The following MAST3 variants were observed in gnomAD, a reference collection of about 807,000 sequenced individuals.
MAST3 encodes microtubule-associated serine/threonine-protein kinase 3.
A neutral mutation model predicts 127.0 loss-of-function variants in MAST3; 43 were observed. The observed-to-expected ratio is 0.34, with a 90% CI of 0.27 to 0.44. The LOEUF is 0.44. Ranked by LOEUF, MAST3 falls within the 20% of genes least tolerant of loss-of-function variation. The pLI, the probability that MAST3 is intolerant of heterozygous loss-of-function variation, is 1.00. For missense variants in MAST3, 1,390 were observed against 1,919.1 expected, an observed-to-expected ratio of 0.72 and a Z score of 5.15; for synonymous variants, 785 against 809.2, an observed-to-expected ratio of 0.97 and a Z score of 0.51.
chr19:18,109,993 G>A, intron 2 of MAST3: 1 of 985,336 alleles, frequency 1.0e-6, no homozygotes, highest in Non-Finnish European at 1.2e-6. Context: ...CTTCCCTTCC[G>A]GGGCGCAGCT....
At chr19:18,104,528 C>T (rs1354407391) in intron 1 of MAST3, among the ~76,000 whole-genome samples, 1 of 152,174 alleles carries the variant, frequency 6.6e-6, no homozygotes, top group Non-Finnish European at 1.5e-5. Flanking sequence ...TTCCGGCCCC[C>T]TCCAATTGGC....
At chr19:18,106,480 G>T (rs2038075025) in intron 1 of MAST3, among the ~76,000 whole-genome samples, 1 of 151,806 alleles carries the variant, frequency 6.6e-6, no homozygotes, top group Non-Finnish European at 1.5e-5. Context: ...CTTGTGATCT[G>T]CCCGCCTTGG....
intron 21 of MAST3, among the ~76,000 whole-genome samples, chr19:18,143,270 C>A (rs974861222): frequency 2.0e-5 from 3 of 151,868 alleles, no homozygotes; most frequent in African/African-American, 7.3e-5. Context: ...AGCCTGGAAG[C>A]TGGGTTTTAA....
chr19:18,118,228 A>G, intron 3 of MAST3: 1 of 985,372 alleles, frequency 1.0e-6, no homozygotes, highest in Non-Finnish European at 1.2e-6. Context: ...GCCTGGCAAA[A>G]GGCGCGCTGC....
In MAST3 at chr19:18,134,719, G is replaced by A. The variant is rs1332695707; in HGVS notation, c.1704+8G>A. 6.2e-7 allele frequency: 1 copy of A among 1,612,468 alleles called. No homozygotes were observed. Among genetic ancestry groups the A allele is most frequent in the Admixed American group, 1.7e-5 (1 of 59,888 alleles). ...GAGTTCATCGACAAGCAGGTGGGCGGGCAGGTGGGTGGGCAGCCCCGGGAT... is the reference window on the plus strand; with the variant it reads ...GAGTTCATCGACAAGCAGGTGGGCGAGCAGGTGGGTGGGCAGCCCCGGGAT... On this transcript the variant is annotated splice_region_variant and intron_variant, in intron 16 of 27. Coordinates refer to ENST00000687212, the MANE Select transcript of MAST3 (RefSeq NM_001393504.1).
intron 18 of MAST3, among the ~76,000 whole-genome samples, chr19:18,136,318 G>A (rs2041888584): frequency 6.6e-6 from 1 of 152,224 alleles, no homozygotes; most frequent in South Asian, 2.1e-4. Flanking sequence ...AGAAGCCCGG[G>A]AAGGAGGCCC....
rs759691499 is a variant in MAST3 at position 18,147,437 on chromosome 19, C to T, written c.3327-6C>T. 6.2e-7 allele frequency: 1 copy of T among 1,612,932 alleles called. No homozygotes were observed. The highest frequency in any genetic ancestry group is 8.5e-7 in the Non-Finnish European group (1 of 1,179,518). ...GGTTCTGAAGCCTCCGGTTTTCTTA[C>T]CCCAGGCGGAAGTCACTTTTCAAGA... On this transcript the variant is annotated splice_polypyrimidine_tract_variant and splice_region_variant and intron_variant, in intron 26 of 27. Coordinates refer to ENST00000687212, the MANE Select transcript of MAST3 (RefSeq NM_001393504.1).
intron 26 of MAST3, 84 bp from the exon 27 acceptor site, chr19:18,147,359 T>C (rs1388332717): frequency 8.5e-6 from 11 of 1,287,470 alleles, no homozygotes; most frequent in African/African-American, 2.9e-5. Flanking sequence ...TGCCTCGGCC[T>C]CTGAAAGTGC....
Position 18,151,045 on chromosome 19 carries a change from G to A in MAST3, c.*1319G>A, listed in dbSNP as rs1378288732. On this transcript the variant is annotated 3_prime_UTR_variant, in exon 28 of 28. Coordinates refer to ENST00000687212, the MANE Select transcript of MAST3 (RefSeq NM_001393504.1). ...AGCAGAGTAAGCCCTTGGCCGTGAT[G>A]TGTCTGAAACACCTGTTAGGGGTTC... The A allele has an allele frequency of 6.6e-6, 1 of 152,228 alleles. No homozygotes were observed. The highest frequency in any genetic ancestry group is 2.4e-5 in the African/African-American group (1 of 41,444). 9.4% of individuals were successfully genotyped at this position (152,228 alleles called of 1,614,324 possible).
chr19:18,124,267 C>T lies in MAST3; in HGVS notation c.846C>T (p.Ala282=), dbSNP rs367968102. 234 of 1,605,190 alleles carry T rather than the reference C, an allele frequency of 1.5e-4. 2 individuals are homozygous for T. The Middle Eastern group carries it at 2.3e-3, about 16-fold the overall frequency. ...QEKLERLLQD[A]HERSDSEEVS... is the part of the protein sequence containing the mutation. ...ATGCCACGACCCACCTCCCCCAGGCCCATGAGCGTTCGGACAGTGAGGAGG... is the reference window on the plus strand; with the variant it reads ...ATGCCACGACCCACCTCCCCCAGGCTCATGAGCGTTCGGACAGTGAGGAGG... Residue 282 remains alanine (A), a splice_region_variant and synonymous_variant, in exon 10 of 28, where the codon GCC becomes GCT. Coordinates refer to ENST00000687212, the MANE Select transcript of MAST3 (RefSeq NM_001393504.1).
Position 18,130,560 on chromosome 19 carries a change from G to C in MAST3, c.1290G>C (p.Gln430His). Reference protein sequence around the residue: ...QRFAIKKINKQNLILRNQIQQ... With the variant: ...QRFAIKKINKHNLILRNQIQQ... The stretch of plus-strand genomic sequence containing the variant: ...TTGCCATCAAGAAGATCAACAAACA[G>C]AACTTGATCCTGCGTAACCAGATCC... Residue 430 changes from glutamine to histidine, a missense_variant, in exon 14 of 28, where the codon CAG becomes CAC. This residue lies in a region of MAST3 where 191 missense variants were observed against 409.0 expected (regional missense o/e 0.47). Coordinates refer to ENST00000687212, the MANE Select transcript of MAST3 (RefSeq NM_001393504.1). The C allele has an allele frequency of 6.2e-7, 1 of 1,613,000 alleles. No homozygotes were observed.
Position 18,135,803 on chromosome 19 carries a change from G to T in MAST3, c.1934G>T (p.Arg645Met), listed in dbSNP as rs750763968. 2 of 1,611,312 alleles carry T rather than the reference G, an allele frequency of 1.2e-6. No individual in the cohort carries two copies. Among genetic ancestry groups the T allele is most frequent in the South Asian group, 2.2e-5 (2 of 90,328 alleles). Residue 645 changes from arginine to methionine, a missense_variant, in exon 18 of 28, where the codon AGG (arginine) becomes ATG (methionine). Physicochemically the swap from Arg to Met is moderately conservative, Grantham distance 91. This residue lies in a region of MAST3 where 191 missense variants were observed against 409.0 expected (regional missense o/e 0.47). Transcript: ENST00000687212. ...GCAGACGCCCAGGACCTCATCACCA[G>T]GTTGCTCCGGCAGAGCCCGCTGGAC... ...LPADAQDLIT[R>M]LLRQSPLDRL...
chr19:18,149,312 C>T lies in MAST3; in HGVS notation c.3630C>T (p.Arg1210=). Residue 1210 remains arginine, a synonymous_variant, in exon 28 of 28, where the codon CGC becomes CGT. Coordinates refer to ENST00000687212, the MANE Select transcript of MAST3 (RefSeq NM_001393504.1). This position sits in a 1 kb window ranked among gnomAD's most constrained non-coding sequence, Gnocchi z 5.9. The stretch of plus-strand genomic sequence containing the variant: ...TGGCTGCCAAGCTTGGGCCACCCCG[C>T]CCCAAGACTGGCCGCCGCAAGTCCA... The part of the protein sequence containing the change: ...HGLAAKLGPP[R]PKTGRRKSTS... 1 of 1,530,342 alleles carries T rather than the reference C, an allele frequency of 6.5e-7. No individual in the cohort carries two copies. Among genetic ancestry groups the T allele is most frequent in the Non-Finnish European group, 8.8e-7 (1 of 1,140,374 alleles). 94.8% of individuals were successfully genotyped at this position (1,530,342 alleles called of 1,614,324 possible). A position where few individuals can be genotyped will look rare whatever the true frequency, so the allele number is the denominator to read the frequency against.
intron 19 of MAST3, 95 bp downstream of exon 19, chr19:18,137,456 G>C (rs2042001597): frequency 7.2e-7 from 1 of 1,388,410 alleles, no homozygotes; most frequent in Non-Finnish European, 9.9e-7. Context: ...TTCCACCCGA[G>C]CTTGGCACCT....
rs754592771 is a variant in MAST3, at chr19:18,107,615, G to A, written c.68G>A (p.Arg23His). The A allele has an allele frequency of 1.9e-5, 30 of 1,612,382 alleles. No homozygotes were observed. Among genetic ancestry groups the A allele is most frequent in the Non-Finnish European group, 2.4e-5 (28 of 1,179,266 alleles). Residue 23 changes from arginine (R) to histidine (H), a missense_variant, in exon 2 of 28, where the codon CGT becomes CAT. Physicochemically the swap from Arg to His is conservative, Grantham distance 29. Around this residue, in one of 5 missense-constraint regions of MAST3, gnomAD observed 61 missense variants for 78.2 expected, o/e 0.78. Coordinates refer to ENST00000687212, the MANE Select transcript of MAST3 (RefSeq NM_001393504.1). ...GAGCTGAGCCTGCCACGCCGAGGACGTGGGTGAGTTCACCTGGGACTGGCG... is the reference window on the plus strand; with the variant it reads ...GAGCTGAGCCTGCCACGCCGAGGACATGGGTGAGTTCACCTGGGACTGGCG... ...QKELSLPRRG[R>H]GLSPSSQSPS...
chr19:18,147,373 G>A (rs1164119983), intron 26 of MAST3, 70 bp from the exon 27 acceptor site: 8 of 1,411,620 alleles, frequency 5.7e-6, no homozygotes, highest in African/African-American at 1.4e-5. Flanking sequence ...AAAGTGCTGG[G>A]ATTACAGGTG....
Position 18,147,055 on chromosome 19 carries a change from G to T in MAST3, c.3326+11G>T. ...GACCACCAGGGAGCGGTACACAGGG[G>T]GCGGGGCCACGGGGACTGGGGTTCT... is the stretch of plus-strand genomic sequence containing the variant. On this transcript the variant is annotated intron_variant, in intron 26 of 27. Coordinates refer to ENST00000687212, the MANE Select transcript of MAST3 (RefSeq NM_001393504.1). The T allele has an allele frequency of 6.6e-7, 1 of 1,526,108 alleles. No homozygotes were observed. The allele number at this position is 1,526,108 out of a possible 1,614,324, so 94.5% of individuals were successfully genotyped here.
chr19:18,144,919 C>T lies in MAST3; in HGVS notation c.2813-84C>T, dbSNP rs528402613. The stretch of plus-strand genomic sequence containing the variant: ...GACATTGAAGCAACAGCAAAGTGGC[C>T]AGGGTGGTCGTTGTGGTGGGAAAGA... On this transcript the variant is annotated intron_variant, in intron 23 of 27. Transcript: ENST00000687212. This position sits in a 1 kb window ranked among gnomAD's most constrained non-coding sequence, Gnocchi z 4.0. 4.2e-3 allele frequency: 3,756 copies of T among 893,328 alleles called. 12 individuals are homozygous for T. Among genetic ancestry groups the T allele is most frequent in the Non-Finnish European group, 5.5e-3 (3,066 of 560,444 alleles). 55.3% of individuals were successfully genotyped at this position (893,328 alleles called of 1,614,324 possible).
chr19:18,117,988 C>A, intron 3 of MAST3: 2 of 430,482 alleles, frequency 4.6e-6, no homozygotes, highest in Non-Finnish European at 3.1e-6. Context: ...CCCGCACTCG[C>A]CTGGGCGGAG....
Sources: allele counts gnomAD v4.1 joint callset (sites outside exome capture counted in the v4.1 genomes callset), GRCh38; gene constraint gnomAD v4.1.1; regional missense constraint gnomAD v4.1.1; non-coding constraint Gnocchi (gnomAD v3.1); transcripts MANE v1.5; gene names NCBI Gene and HGNC (gene_info 2026-07-23, HGNC 2026-07-21).